Variants in RAB3GAP1 observed in about 807,000 individuals in gnomAD.
RAB3GAP1 encodes rab3 GTPase-activating protein catalytic subunit.
A neutral mutation model predicts 130.7 loss-of-function variants in RAB3GAP1; 86 were observed. The ratio of observed to expected loss-of-function variants is 0.66; its 90% CI spans 0.55 to 0.79. RAB3GAP1 has a LOEUF of 0.79. Ranked by LOEUF, RAB3GAP1 falls within the 30% of genes least tolerant of loss-of-function variation. RAB3GAP1 has a pLI of 0.00. For synonymous variants in RAB3GAP1, 367 were observed against 401.7 expected, an observed-to-expected ratio of 0.91 and a Z score of 1.03; for missense variants, 1,029 against 1,169.4, an observed-to-expected ratio of 0.88 and a Z score of 1.75.
chr2:135,097,934 G>A (rs2104886327), intron 5 of RAB3GAP1, among the ~76,000 whole-genome samples: 1 of 152,282 alleles, frequency 6.6e-6, no homozygotes, highest in Admixed American at 6.5e-5. Context: ...TGTGGTAAGT[G>A]TATGTTTATA....
At chr2:135,144,042 C>T (rs902761937) in intron 17 of RAB3GAP1, among the ~76,000 whole-genome samples, 1 of 152,202 alleles carries the variant, frequency 6.6e-6, no homozygotes, top group South Asian at 2.1e-4. Context: ...GCCCAGGCCT[C>T]ACTCAGCCCT....
chr2:135,111,727 C>T (rs1690806069), intron 5 of RAB3GAP1, among the ~76,000 whole-genome samples: 1 of 152,132 alleles, frequency 6.6e-6, no homozygotes, highest in Admixed American at 6.5e-5. Flanking sequence ...AAAGGCAAAA[C>T]TATTGTTTAA....
chr2:135,141,968 G>T (rs966420349), intron 17 of RAB3GAP1, among the ~76,000 whole-genome samples: 1 of 152,154 alleles, frequency 6.6e-6, no homozygotes, highest in African/African-American at 2.4e-5. Context: ...AGTCTATCTG[G>T]TAGTGTAAAT....
At chr2:135,058,659 A>G (rs1689087523) in intron 3 of RAB3GAP1, 1 of 152,578 alleles carries the variant, frequency 6.6e-6, no homozygotes, top group African/African-American at 2.4e-5. Context: ...TGAGGTAGAA[A>G]TCAAATTCTA....
chr2:135,083,767 G>GTTTTT (rs34087354), intron 3 of RAB3GAP1, among the ~76,000 whole-genome samples: 43 of 98,172 alleles, frequency 4.4e-4, no homozygotes, highest in Admixed American at 1.2e-3. Context: ...ACCCAACACG[G>GTTTTT]TTTTTTTTTT....
Position 135,115,290 on chromosome 2 carries a change from T to C in RAB3GAP1, c.557T>C (p.Val186Ala). ...GTAGGAGAATGTCAAGGTCCTGGTG[T>C]ACGAACTGATTTCGAAATGGTTCAT... is the stretch of plus-strand genomic sequence containing the variant. ...MYVGECQGPG[V>A]RTDFEMVHLR... is the part of the protein sequence containing the mutation. Residue 186 changes from valine to alanine, a missense_variant, in exon 7 of 24, where the codon GTA becomes GCA. Around this residue, in one of 3 missense-constraint regions of RAB3GAP1, gnomAD observed 510 missense variants for 532.1 expected, o/e 0.96. Coordinates refer to ENST00000264158, the MANE Select transcript of RAB3GAP1 (RefSeq NM_012233.3). 1 of 1,613,302 alleles carries C rather than the reference T, an allele frequency of 6.2e-7. No homozygotes were observed. Among genetic ancestry groups the C allele is most frequent in the Non-Finnish European group, 8.5e-7 (1 of 1,179,280 alleles).
Position 135,091,035 on chromosome 2 carries a change from A to C in RAB3GAP1, c.188A>C (p.Asp63Ala). The change falls in exon 4 of 24, where the codon GAT (aspartate) becomes GCT (alanine). Residue 63 changes from aspartate (D) to alanine (A), a missense_variant. Physicochemically the swap from Asp to Ala is moderately radical, Grantham distance 126. Coordinates refer to ENST00000264158, the MANE Select transcript of RAB3GAP1 (RefSeq NM_012233.3). ...TCTGGCACATGGGAAGAGAAATCAGATGAAATTTCCTTTGCTGACTTCAAG... is the reference window on the plus strand; with the variant it reads ...TCTGGCACATGGGAAGAGAAATCAGCTGAAATTTCCTTTGCTGACTTCAAG... ...FTSGTWEEKS[D>A]EISFADFKFS... 6.2e-7 allele frequency: 1 copy of C among 1,612,560 alleles called. No homozygotes were observed.
chr2:135,132,840 C>A, intron 13 of RAB3GAP1, 55 bp from the exon 14 acceptor site: 1 of 1,061,952 alleles, frequency 9.4e-7, no homozygotes, highest in South Asian at 1.3e-5. Flanking sequence ...TTATAAAAAT[C>A]AACAAAATAG....
intron 22 of RAB3GAP1, among the ~76,000 whole-genome samples, chr2:135,164,012 G>GC (rs1692549415): frequency 6.6e-6 from 1 of 152,186 alleles, no homozygotes; most frequent in Non-Finnish European, 1.5e-5. Flanking sequence ...GAATTAGTGA[G>GC]CAGGTGGTGC....
chr2:135,127,521 T>C (rs1691389883), intron 11 of RAB3GAP1, among the ~76,000 whole-genome samples: 2 of 151,796 alleles, frequency 1.3e-5, no homozygotes, highest in Admixed American at 1.3e-4. Flanking sequence ...TTTTTGTGTT[T>C]TTAGTAGAGA....
chr2:135,053,815 A>T (rs916047726), intron 2 of RAB3GAP1, among the ~76,000 whole-genome samples: 1 of 152,182 alleles, frequency 6.6e-6, no homozygotes, highest in Non-Finnish European at 1.5e-5. Context: ...CTACCTGTAA[A>T]AATAATAATT....
Position 135,130,591 on chromosome 2 carries a change from A to G in RAB3GAP1, c.1106A>G (p.Glu369Gly). ...ACTCATGCTTTGTCAAAATTGACAG[A>G]GCCGGCATCAGTTCCAATTCATAAA... is the stretch of plus-strand genomic sequence containing the variant. ...DITHALSKLT[E>G]PASVPIHKLS... Residue 369 changes from glutamate to glycine, a missense_variant, in exon 13 of 24, where the codon GAG (glutamate) becomes GGG (glycine). Physicochemically the swap from Glu to Gly is moderately conservative, Grantham distance 98. This residue lies in a region of RAB3GAP1 where 510 missense variants were observed against 532.1 expected (regional missense o/e 0.96). Coordinates refer to ENST00000264158, the MANE Select transcript of RAB3GAP1 (RefSeq NM_012233.3). 1 of 1,613,750 alleles carries G rather than the reference A, an allele frequency of 6.2e-7. No individual in the cohort carries two copies. Among genetic ancestry groups the G allele is most frequent in the East Asian group, 2.2e-5 (1 of 44,852 alleles).
intron 5 of RAB3GAP1, among the ~76,000 whole-genome samples, chr2:135,106,172 G>T (rs532714054): frequency 6.6e-6 from 1 of 151,652 alleles, no homozygotes; most frequent in African/African-American, 2.4e-5. Flanking sequence ...CGCCCCGTCC[G>T]GGAGGTGGGG....
rs189697618 is a variant in RAB3GAP1 at position 135,080,858 on chromosome 2, T to A, written c.151-10140T>A. On this transcript the variant is annotated intron_variant, in intron 3 of 23. Transcript: ENST00000264158. ...AGAGCTTTTGGACTGAGCCTCGATA[T>A]CATTCCTTTCTGTACTTTTGTGCTT... is the stretch of plus-strand genomic sequence containing the variant. 9.8e-5 allele frequency among the ~76,000 whole-genome samples: 15 copies of A among 152,294 alleles called. 1 individual carries two copies. Among genetic ancestry groups the A allele is most frequent in the Admixed American group, 7.8e-4 (12 of 15,292 alleles).
intron 7 of RAB3GAP1, among the ~76,000 whole-genome samples, chr2:135,117,161 A>G (rs1574125485): frequency 6.6e-6 from 1 of 152,310 alleles, no homozygotes; most frequent in East Asian, 1.9e-4. Flanking sequence ...TCTCCATTAG[A>G]AAAATTACAG....
intron 11 of RAB3GAP1, among the ~76,000 whole-genome samples, chr2:135,128,391 G>A (rs902327000): frequency 6.6e-6 from 1 of 152,126 alleles, no homozygotes; most frequent in Non-Finnish European, 1.5e-5. Flanking sequence ...AGGGTTATTG[G>A]GAGGATCAAA....
rs201394875 is a variant in RAB3GAP1 at position 135,135,728 on chromosome 2, A to G, written c.1719A>G (p.Lys573=). Residue 573 remains lysine (K), a synonymous_variant, in exon 17 of 24, where the codon AAA becomes AAG. Transcript: ENST00000264158. ...ATAAGGAAAAGGGAGAGGTAGGAAA[A>G]TCTTGGGATTCCTGGAGTGACAGCG... is the stretch of plus-strand genomic sequence containing the variant. ...ETDKEKGEVG[K]SWDSWSDSEE... 268 of 1,614,036 alleles carry G rather than the reference A, an allele frequency of 1.7e-4. No homozygotes were observed. The highest frequency in any genetic ancestry group is 3.3e-4 in the Admixed American group (20 of 60,006).
At chr2:135,155,961 A>C (rs1692299738) in intron 19 of RAB3GAP1, among the ~76,000 whole-genome samples, 1 of 152,128 alleles carries the variant, frequency 6.6e-6, no homozygotes, top group Admixed American at 6.5e-5. Context: ...AAGGGAGAGC[A>C]CATATATATA....
chr2:135,071,773 G>A (rs940053391), intron 3 of RAB3GAP1, among the ~76,000 whole-genome samples: 139 of 152,282 alleles, frequency 9.1e-4, no homozygotes, highest in African/African-American at 3.2e-3. Context: ...GACATTGAGG[G>A]TAGAGGTCTC....
Sources: gnomAD v4.1 joint callset for allele counts (sites outside exome capture counted in the v4.1 genomes callset) on GRCh38, gnomAD v4.1.1 for gene constraint, gnomAD v4.1.1 regional missense constraint, MANE v1.5 for transcripts, NCBI Gene and HGNC (gene_info 2026-07-23, HGNC 2026-07-21) for gene names.